DENND1B: variants seen among roughly 807,000 people sequenced by gnomAD.
DENND1B encodes the protein DENN domain containing 1B.
In DENND1B, 59 loss-of-function variants were observed where a neutral mutation model predicts 90.1. The ratio of observed to expected loss-of-function variants is 0.65; its 90% CI spans 0.53 to 0.81. DENND1B has a LOEUF of 0.81. Ranked by LOEUF, DENND1B falls within the 40% of genes least tolerant of loss-of-function variation. DENND1B has a pLI of 0.00. For synonymous variants in DENND1B, 337 were observed against 324.6 expected (o/e 1.04, Z -0.41); for missense variants, 862 against 912.6 (o/e 0.94, Z 0.71).
At chr1:197,770,743 TATATCTATAA>T (rs1656416623) in intron 2 of DENND1B, among the ~76,000 whole-genome samples, 2 of 141,638 alleles carry the variant, frequency 1.4e-5, no homozygotes, top group South Asian at 4.2e-4. Flanking sequence ...TATAAATATA[TATATCTATAA>T]ATATATATAA....
At chr1:197,771,832 A>G (rs1656657604) in intron 2 of DENND1B, among the ~76,000 whole-genome samples, 1 of 152,200 alleles carries the variant, frequency 6.6e-6, no homozygotes, top group African/African-American at 2.4e-5. Context: ...AGTATCTAGA[A>G]AGACATACCA....
chr1:197,778,279 G>GT (rs1373580460), upstream of DENND1B, among the ~76,000 whole-genome samples: 2 of 152,086 alleles, frequency 1.3e-5, no homozygotes, highest in Admixed American at 6.5e-5. Flanking sequence ...AAACCATCAT[G>GT]TTTCAAATTT....
At chr1:197,622,302 CTACTTAT>C (rs973944075) in intron 10 of DENND1B, among the ~76,000 whole-genome samples, 3 of 151,490 alleles carry the variant, frequency 2.0e-5, no homozygotes, top group African/African-American at 7.2e-5. Flanking sequence ...ATCATTACTT[CTACTTAT>C]CAGATCAAGG....
At chr1:197,540,291 AAATTT>A (rs1460801521) in intron 19 of DENND1B, among the ~76,000 whole-genome samples, 3 of 151,946 alleles carry the variant, frequency 2.0e-5, no homozygotes, top group East Asian at 1.9e-4. Flanking sequence ...TTATACTGAT[AAATTT>A]AATTTAATAA....
intron 14 of DENND1B, among the ~76,000 whole-genome samples, chr1:197,591,876 C>T (rs1285382903): frequency 6.6e-6 from 1 of 151,854 alleles, no homozygotes; most frequent in Non-Finnish European, 1.5e-5. Context: ...TCTGGGAGGC[C>T]GAGGCAGGTG....
intron 12 of DENND1B, 77 bp from the exon 13 acceptor site, chr1:197,607,251 A>C: frequency 1.0e-6 from 1 of 1,002,284 alleles, no homozygotes; most frequent in Non-Finnish European, 1.4e-6. Flanking sequence ...GAAACAGAAA[A>C]CATTATCTTA....
At position 197,775,429 on chromosome 1, in the gene DENND1B, C is replaced by T. The variant is rs1657198799; in HGVS notation, c.-274G>A. 3.3e-6 allele frequency: 1 copy of T among 305,516 alleles called. No homozygotes were observed. Among genetic ancestry groups the T allele is most frequent in the Non-Finnish European group, 6.0e-6 (1 of 166,546 alleles). 18.9% of individuals were successfully genotyped at this position (305,516 alleles called of 1,614,324 possible). A position where few individuals can be genotyped will look rare whatever the true frequency, so the allele number is the denominator to read the frequency against. On this transcript the variant is annotated 5_prime_UTR_variant, in exon 1 of 23. Transcript: ENST00000620048. Reference sequence around the variant, plus strand: ...CGGTAGCCGCCACCAAAGCTGAGGCCTCTCAGTTCCTGCGACCGGGGCCGC... The same window carrying T: ...CGGTAGCCGCCACCAAAGCTGAGGCTTCTCAGTTCCTGCGACCGGGGCCGC...
intron 21 of DENND1B, 140 bp downstream of exon 21, chr1:197,512,731 T>A: frequency 1.5e-6 from 1 of 657,346 alleles, no homozygotes; most frequent in Non-Finnish European, 2.5e-6. Flanking sequence ...CCAGGAGCAC[T>A]GGGTCCTTTT....
chr1:197,589,500 T>C (rs1342291299), intron 14 of DENND1B, among the ~76,000 whole-genome samples: 7 of 152,162 alleles, frequency 4.6e-5, no homozygotes, highest in Admixed American at 4.6e-4. Context: ...ACCATAAAAC[T>C]GTGAGTAGTA....
chr1:197,726,540 A>G (rs1309191143), intron 2 of DENND1B, among the ~76,000 whole-genome samples: 1 of 152,216 alleles, frequency 6.6e-6, no homozygotes, highest in Non-Finnish European at 1.5e-5. Flanking sequence ...CAGAAGCATA[A>G]TCCTAGGTGA....
At chr1:197,742,357 G>A (rs2102370063) in intron 2 of DENND1B, among the ~76,000 whole-genome samples, 1 of 152,134 alleles carries the variant, frequency 6.6e-6, no homozygotes, top group Middle Eastern at 3.4e-3. Flanking sequence ...CATTTACTGA[G>A]TACCCACTTA....
intron 14 of DENND1B, among the ~76,000 whole-genome samples, chr1:197,591,186 A>G (rs2125795697): frequency 6.6e-6 from 1 of 152,284 alleles, no homozygotes; most frequent in Non-Finnish European, 1.5e-5. Flanking sequence ...ATTTTCTTTT[A>G]TAATTTTCGG....
intron 20 of DENND1B, among the ~76,000 whole-genome samples, chr1:197,534,307 T>C (rs1313518438): frequency 6.6e-6 from 1 of 152,162 alleles, no homozygotes; most frequent in African/African-American, 2.4e-5. Flanking sequence ...TAAGCTGTCT[T>C]TGAGAGAGGT....
chr1:197,715,374 A>G (rs1020241541), intron 2 of DENND1B, among the ~76,000 whole-genome samples: 2 of 151,900 alleles, frequency 1.3e-5, no homozygotes, highest in African/African-American at 4.8e-5. Flanking sequence ...CATACTTTAG[A>G]TTTTAAGATT....
At chr1:197,566,381 T>C (rs1362485972) in intron 15 of DENND1B, among the ~76,000 whole-genome samples, 8 of 152,126 alleles carry the variant, frequency 5.3e-5, no homozygotes, top group Non-Finnish European at 7.4e-5. Flanking sequence ...TTGTAGATTC[T>C]GGATATTAGC....
chr1:197,539,314 A>C (rs1212744871), intron 20 of DENND1B, among the ~76,000 whole-genome samples: 1 of 152,198 alleles, frequency 6.6e-6, no homozygotes, highest in Non-Finnish European at 1.5e-5. Context: ...TTGTAGCTAC[A>C]GTCCACTCAA....
chr1:197,658,406 AT>A (rs1654065473), intron 5 of DENND1B, 37 bp from the exon 6 acceptor site: 2 of 1,332,972 alleles, frequency 1.5e-6, no homozygotes, highest in African/African-American at 2.9e-5. Context: ...TATACATAAA[AT>A]TCAGAATCAG....
intron 20 of DENND1B, among the ~76,000 whole-genome samples, chr1:197,523,453 G>C (rs1401513317): frequency 6.6e-6 from 1 of 152,110 alleles, no homozygotes; most frequent in Admixed American, 6.6e-5. Context: ...GGGGGCGCAT[G>C]GCCCACTTAA....
chr1:197,747,267 T>C (rs1652827641), intron 2 of DENND1B: 1 of 624,550 alleles, frequency 1.6e-6, no homozygotes, highest in Non-Finnish European at 3.0e-6. Context: ...CATAGGCATT[T>C]ACATTCGACT....
Sources: allele counts gnomAD v4.1 joint callset (sites outside exome capture counted in the v4.1 genomes callset), GRCh38; gene constraint gnomAD v4.1.1; transcripts MANE v1.5; gene names NCBI Gene and HGNC (gene_info 2026-07-23, HGNC 2026-07-21).